The following BAZ1A variants were observed in gnomAD, a reference collection of about 807,000 sequenced individuals.
BAZ1A encodes bromodomain adjacent to zinc finger domain protein 1A.
BAZ1A carries 50 observed loss-of-function variants against 185.2 expected under a neutral mutation model. The observed-to-expected ratio is 0.27, with a 90% CI of 0.22 to 0.34. The LOEUF (loss-of-function observed/expected upper bound fraction) is 0.34. Ranked by LOEUF, BAZ1A falls within the 10% of genes least tolerant of loss-of-function variation. The pLI is 1.00. For synonymous variants in BAZ1A, 571 were observed against 615.6 expected, an observed-to-expected ratio of 0.93 and a Z score of 1.07; for missense variants, 1,356 against 1,839.9, an observed-to-expected ratio of 0.74 and a Z score of 4.81.
Position 34,771,645 on chromosome 14 carries a change from T to C in BAZ1A, c.3167A>G (p.Lys1056Arg). ...TGATACAGTACTTGGAGTTTCTGTT[T>C]TTATCCCCAAAAGTCTACAATTAAA... ...VIVKDRLLGI[K>R]TETPSTVSTN... The change falls in exon 21 of 27, where the codon AAA (lysine) becomes AGA (arginine). Residue 1056 changes from lysine to arginine, a missense_variant. Coordinates refer to ENST00000360310, the MANE Select transcript of BAZ1A (RefSeq NM_013448.3). 1.2e-6 allele frequency: 2 copies of C among 1,612,954 alleles called. No individual in the cohort carries two copies. Among genetic ancestry groups the C allele is most frequent in the Non-Finnish European group, 1.7e-6 (2 of 1,179,692 alleles).
At chr14:34,815,228 T>C (rs1043123413) in intron 4 of BAZ1A, among the ~76,000 whole-genome samples, 2 of 152,194 alleles carry the variant, frequency 1.3e-5, no homozygotes, top group African/African-American at 4.8e-5. Flanking sequence ...TACTGGGGCT[T>C]TGCTATCTAT....
At chr14:34,846,295 G>T (rs148687254) in intron 3 of BAZ1A, among the ~76,000 whole-genome samples, 1 of 152,298 alleles carries the variant, frequency 6.6e-6, no homozygotes, top group Non-Finnish European at 1.5e-5. Flanking sequence ...ATGACCGTAA[G>T]TCCTGGTGGA....
intron 20 of BAZ1A, among the ~76,000 whole-genome samples, chr14:34,772,019 A>C (rs1012794355): frequency 2.6e-5 from 4 of 151,790 alleles, no homozygotes; most frequent in African/African-American, 9.7e-5. Flanking sequence ...CAGTGGTGCG[A>C]TCTCAGCTTA....
At chr14:34,857,138 C>G (rs571817719) in intron 3 of BAZ1A, among the ~76,000 whole-genome samples, 2 of 151,494 alleles carry the variant, frequency 1.3e-5, no homozygotes, top group South Asian at 4.2e-4. Context: ...TCCTGAGTAG[C>G]TGGGACTACA....
chr14:34,827,532 G>A (rs1201008847), intron 3 of BAZ1A, among the ~76,000 whole-genome samples: 1 of 151,736 alleles, frequency 6.6e-6, no homozygotes, highest in Non-Finnish European at 1.5e-5. Context: ...TCAGAAGATC[G>A]AGACCATCCT....
In BAZ1A at chr14:34,832,215, C is replaced by CATATATATATATATATAT. The variant is rs796421959; in HGVS notation, c.393-6060_393-6059insATATATATATATATATAT. Among the ~76,000 whole-genome samples, 64 of 89,648 alleles carry CATATATATATATATATAT rather than the reference C, an allele frequency of 7.1e-4. 1 individual carries two copies. The highest frequency in any genetic ancestry group is 5.7e-3 in the Middle Eastern group (1 of 174). The allele number at this position is 89,648 out of a possible 152,430, so 58.8% of individuals were successfully genotyped here. A position where few individuals can be genotyped will look rare whatever the true frequency, so the allele number is the denominator to read the frequency against. On this transcript the variant is annotated intron_variant, in intron 3 of 26. Coordinates refer to ENST00000360310, the MANE Select transcript of BAZ1A (RefSeq NM_013448.3). ...ATACACACACACACACACACACACA[C>CATATATATATATATATAT]ATATATATATATATATGTATGTATG...
chr14:34,769,541 T>G (rs916047635), intron 21 of BAZ1A, among the ~76,000 whole-genome samples: 7 of 147,648 alleles, frequency 4.7e-5, no homozygotes, highest in Non-Finnish European at 1.1e-4. Context: ...ATGTTAACCT[T>G]TTTCTTTGTC....
At chr14:34,833,631 C>A (rs2042285201) in intron 3 of BAZ1A, among the ~76,000 whole-genome samples, 1 of 151,996 alleles carries the variant, frequency 6.6e-6, no homozygotes, top group Non-Finnish European at 1.5e-5. Context: ...ATGAAGTATC[C>A]GGAATAGGCA....
At chr14:34,801,699 G>C (rs1313210377) in intron 7 of BAZ1A, among the ~76,000 whole-genome samples, 4 of 151,996 alleles carry the variant, frequency 2.6e-5, no homozygotes, top group Non-Finnish European at 4.4e-5. Context: ...ACTTGAGGTC[G>C]GGCGTTTGAG....
At chr14:34,868,698 C>G (rs2383680) in intron 2 of BAZ1A, among the ~76,000 whole-genome samples, 131,126 of 151,752 alleles carry the variant, frequency 0.86, 57,591 homozygotes, top group Non-Finnish European at 0.96. Flanking sequence ...CTACTCGGGA[C>G]GCTGAGGTGG....
chr14:34,781,320 A>G (rs560316007), intron 16 of BAZ1A, among the ~76,000 whole-genome samples: 2 of 152,310 alleles, frequency 1.3e-5, no homozygotes, highest in African/African-American at 4.8e-5. Flanking sequence ...TCTTTAGTGT[A>G]TTCACAAGGT....
intron 3 of BAZ1A, among the ~76,000 whole-genome samples, chr14:34,830,678 T>A (rs2042228270): frequency 6.6e-6 from 1 of 151,858 alleles, no homozygotes; most frequent in Admixed American, 6.6e-5. Context: ...AATAAAGTCA[T>A]TAAAAAAAGA....
intron 3 of BAZ1A, among the ~76,000 whole-genome samples, chr14:34,855,215 A>G (rs1057405283): frequency 8.9e-4 from 135 of 152,340 alleles, no homozygotes; most frequent in African/African-American, 3.1e-3. Flanking sequence ...TACACAGACT[A>G]TAACCTACTC....
At chr14:34,847,845 T>C (rs955362164) in intron 3 of BAZ1A, among the ~76,000 whole-genome samples, 4 of 152,154 alleles carry the variant, frequency 2.6e-5, no homozygotes, top group Non-Finnish European at 5.9e-5. Context: ...CTCTGTATCA[T>C]AGGTTTGTGT....
intron 2 of BAZ1A, among the ~76,000 whole-genome samples, chr14:34,872,941 A>AC (rs1555346585): frequency 0.04 from 4,930 of 122,516 alleles, 519 homozygotes; most frequent in African/African-American, 0.099. Flanking sequence ...AAAAAAAAAA[A>AC]CTTGTCCAAT....
intron 2 of BAZ1A, among the ~76,000 whole-genome samples, chr14:34,870,987 AAG>A (rs146857905): frequency 9.8e-4 from 150 of 152,356 alleles, no homozygotes; most frequent in African/African-American, 3.3e-3. Flanking sequence ...GATGTTGTGG[AAG>A]AGAGTTATAC....
chr14:34,835,719 T>C (rs1257648373), intron 3 of BAZ1A, among the ~76,000 whole-genome samples: 2 of 151,318 alleles, frequency 1.3e-5, no homozygotes, highest in African/African-American at 4.9e-5. Context: ...GTTGCCAGGC[T>C]GGAGTGCAAT....
At chr14:34,756,262 T>C (rs1886240668) in intron 25 of BAZ1A, among the ~76,000 whole-genome samples, 1 of 149,830 alleles carries the variant, frequency 6.7e-6, no homozygotes, top group African/African-American at 2.5e-5. Flanking sequence ...TACAGGTGTG[T>C]GCCACCATGC....
At chr14:34,824,002 C>A (rs2138709374) in intron 4 of BAZ1A, among the ~76,000 whole-genome samples, 1 of 152,102 alleles carries the variant, frequency 6.6e-6, no homozygotes, top group East Asian at 1.9e-4. Context: ...ATAAATCCCA[C>A]AAATTTTGCA....
Sources: allele counts gnomAD v4.1 joint callset (sites outside exome capture counted in the v4.1 genomes callset), GRCh38; gene constraint gnomAD v4.1.1; transcripts MANE v1.5; gene names NCBI Gene and HGNC (gene_info 2026-07-23, HGNC 2026-07-21).